WDR35: variants seen among roughly 807,000 people sequenced by gnomAD.
The protein encoded by WDR35 is WD repeat domain 35.
In WDR35, 118 loss-of-function variants were observed where a neutral mutation model predicts 158.3. The observed-to-expected ratio is 0.75, with a 90% CI of 0.64 to 0.87. The LOEUF is 0.87. WDR35 is among the 40% of genes least tolerant of loss of function. The pLI is 0.00. For missense variants in WDR35, 1,263 were observed against 1,405.8 expected, an observed-to-expected ratio of 0.90 and a Z score of 1.62; for synonymous variants, 448 against 476.1, an observed-to-expected ratio of 0.94 and a Z score of 0.77.
rs758919526 is a variant in WDR35 at position 19,938,398 on chromosome 2, G to A, written c.1930C>T (p.Pro644Ser). 1 of 1,613,428 alleles carries A rather than the reference G, an allele frequency of 6.2e-7. No individual in the cohort carries two copies. Among genetic ancestry groups the A allele is most frequent in the African/African-American group, 1.3e-5 (1 of 74,944 alleles). Residue 644 changes from proline to serine, a missense_variant, in exon 18 of 27, where the codon CCA becomes TCA. Physicochemically the swap from Pro to Ser is moderately conservative, Grantham distance 74. Transcript: ENST00000281405. ...SVLLDEILKD[P>S]EHPNKDYLIN... The stretch of plus-strand genomic sequence containing the variant: ...AGGTAATCCTTGTTTGGATGTTCTG[G>A]ATCCTAAAAGTAAAGATGAAAACAA...
At chr2:19,964,584 G>A (rs1032198557) in intron 10 of WDR35, among the ~76,000 whole-genome samples, 19 of 151,122 alleles carry the variant, frequency 1.3e-4, no homozygotes, top group Non-Finnish European at 2.1e-4. Flanking sequence ...GGGTTTCACC[G>A]TGTTGCCCAG....
At chr2:19,957,846 C>T (rs958967254) in intron 11 of WDR35, among the ~76,000 whole-genome samples, 3 of 152,022 alleles carry the variant, frequency 2.0e-5, no homozygotes, top group African/African-American at 7.2e-5. Context: ...AGCCACCATG[C>T]CCAGCTTGGA....
At chr2:19,935,036 CTCTTT>C (rs1365957473) in intron 21 of WDR35, 1 of 153,188 alleles carries the variant, frequency 6.5e-6, no homozygotes, top group Admixed American at 6.5e-5. Context: ...CTTTCCATTT[CTCTTT>C]TAACTTGAAA....
chr2:19,962,306 A>G, intron 10 of WDR35: 3 of 1,613,210 alleles, frequency 1.9e-6, no homozygotes, highest in Non-Finnish European at 2.5e-6. Flanking sequence ...GTTGCACCAA[A>G]TGTCTCCATC....
At position 19,967,345 on chromosome 2, in the gene WDR35, T is replaced by C. The variant is rs559387224; in HGVS notation, c.1009-436A>G. On this transcript the variant is annotated intron_variant, in intron 9 of 26. Coordinates refer to ENST00000281405, the MANE Select transcript of WDR35 (RefSeq NM_020779.4). ...TATTTGCTTTTATCAGAGTAACATA[T>C]TCACATAATATATGGTCAAATAATC... Among the ~76,000 whole-genome samples the C allele has an allele frequency of 4.6e-5, 7 of 152,274 alleles. No homozygotes were observed. In the South Asian group the frequency reaches 1.4e-3, roughly 32 times the overall value.
intron 10 of WDR35, chr2:19,962,293 A>G (rs1241650758): frequency 6.2e-7 from 1 of 1,613,150 alleles, no homozygotes; most frequent in East Asian, 2.2e-5. Flanking sequence ...TTCATTTGTT[A>G]CCGTTGCACC....
chr2:19,975,297 A>T (rs1002097686), intron 6 of WDR35, among the ~76,000 whole-genome samples: 4 of 152,208 alleles, frequency 2.6e-5, no homozygotes, highest in Non-Finnish European at 5.9e-5. Flanking sequence ...CTACCAAAAA[A>T]AATTGGAACT....
intron 25 of WDR35, among the ~76,000 whole-genome samples, chr2:19,929,995 C>T (rs1384588055): frequency 6.6e-6 from 1 of 150,728 alleles, no homozygotes; most frequent in Non-Finnish European, 1.5e-5. Context: ...TGTTATACTC[C>T]CGATATTGTA....
At chr2:19,970,992 T>C (rs1244645052) in intron 8 of WDR35, among the ~76,000 whole-genome samples, 4 of 152,232 alleles carry the variant, frequency 2.6e-5, no homozygotes, top group African/African-American at 7.2e-5. Flanking sequence ...GATAAACTGA[T>C]AGTCAATATA....
At chr2:19,961,842 C>T (rs945278552) in intron 10 of WDR35, among the ~76,000 whole-genome samples, 1 of 152,184 alleles carries the variant, frequency 6.6e-6, no homozygotes, top group African/African-American at 2.4e-5. Context: ...AGTCTCTCCC[C>T]ACCATGACAA....
chr2:19,965,379 A>G (rs1179247982), intron 10 of WDR35, among the ~76,000 whole-genome samples: 1 of 152,178 alleles, frequency 6.6e-6, no homozygotes, highest in Admixed American at 6.5e-5. Context: ...TTCGGAACAG[A>G]GTTGTCTATA....
intron 2 of WDR35, among the ~76,000 whole-genome samples, chr2:19,984,026 TATATATATATATATACATATATAC>T (rs1427151975): frequency 0.03 from 120 of 3,978 alleles, no homozygotes; most frequent in Admixed American, 0.058. Context: ...TATATATATA[TATATATATATATATACATATATAC>T]ACACACCCAC....
chr2:19,972,688 T>C (rs1242958154), intron 8 of WDR35, among the ~76,000 whole-genome samples: 1 of 152,010 alleles, frequency 6.6e-6, no homozygotes, highest in East Asian at 1.9e-4. Flanking sequence ...TCAGAAGACA[T>C]CATTTCTTGC....
intron 25 of WDR35, among the ~76,000 whole-genome samples, chr2:19,917,386 G>A (rs1051478648): frequency 6.6e-6 from 1 of 152,222 alleles, no homozygotes; most frequent in African/African-American, 2.4e-5. Context: ...ACTGGATGGA[G>A]AATGAATTTG....
Position 19,910,744 on chromosome 2 carries a change from G to A in WDR35, c.*2814C>T, listed in dbSNP as rs537070138. The A allele has an allele frequency of 5.3e-5, 8 of 152,116 alleles. No homozygotes were observed. The highest frequency in any genetic ancestry group is 3.3e-4 in the Admixed American group (5 of 15,260). The allele number at this position is 152,116 out of a possible 1,614,324, so 9.4% of individuals were successfully genotyped here. A position where few individuals can be genotyped will look rare whatever the true frequency, so the allele number is the denominator to read the frequency against. ...GGAGAGTTTGTTAGTGTTGTTATCTGGAAATTTCCTTCATGTCGAATAAAA... is the reference window on the plus strand; with the variant it reads ...GGAGAGTTTGTTAGTGTTGTTATCTAGAAATTTCCTTCATGTCGAATAAAA... On this transcript the variant is annotated 3_prime_UTR_variant, in exon 27 of 27. Coordinates refer to ENST00000281405, the MANE Select transcript of WDR35 (RefSeq NM_020779.4).
At chr2:19,982,655 T>C (rs1672421684) in intron 2 of WDR35, 121 bp from the exon 3 acceptor site, 2 of 1,030,710 alleles carry the variant, frequency 1.9e-6, no homozygotes, top group Non-Finnish European at 1.4e-6. Context: ...CCCATTCTGA[T>C]ATATTTTTCT....
At chr2:19,930,214 T>C (rs143080759) in intron 25 of WDR35, among the ~76,000 whole-genome samples, 182 bp downstream of exon 25, 20 of 152,262 alleles carry the variant, frequency 1.3e-4, no homozygotes, top group African/African-American at 4.6e-4. Context: ...CTGTGAACTA[T>C]GTGTTTTCTC....
intron 6 of WDR35, among the ~76,000 whole-genome samples, 191 bp from the exon 7 acceptor site, chr2:19,974,824 T>C (rs573428332): frequency 1.3e-5 from 2 of 152,070 alleles, no homozygotes; most frequent in Non-Finnish European, 2.9e-5. Context: ...TCCCCACATG[T>C]AAAAAATGAG....
At chr2:19,918,408 T>A (rs1346928531) in intron 25 of WDR35, among the ~76,000 whole-genome samples, 1 of 152,180 alleles carries the variant, frequency 6.6e-6, no homozygotes, top group Non-Finnish European at 1.5e-5. Context: ...ACCTTAAATG[T>A]AAATGGGCTA....
Sources: allele counts gnomAD v4.1 joint callset (sites outside exome capture counted in the v4.1 genomes callset), GRCh38; gene constraint gnomAD v4.1.1; transcripts MANE v1.5; gene names NCBI Gene and HGNC (gene_info 2026-07-23, HGNC 2026-07-21).